GAK: variants seen among roughly 807,000 people sequenced by gnomAD.
The protein encoded by GAK is cyclin G associated kinase, also known as cyclin-G-associated kinase.
GAK carries 79 observed loss-of-function variants against 143.9 expected under a neutral mutation model. That is an observed-to-expected ratio of 0.55 (90% CI 0.46 to 0.66). The LOEUF is 0.66. GAK is among the 30% of genes least tolerant of loss of function. The probability of loss-of-function intolerance (pLI) is 0.00; values close to 1 mark genes in which losing one functional copy is unlikely to be tolerated. For synonymous variants in GAK, 881 were observed against 765.5 expected, an observed-to-expected ratio of 1.15 and a Z score of -2.49; for missense variants, 1,693 against 1,779.7, an observed-to-expected ratio of 0.95 and a Z score of 0.88.
intron 4 of GAK, among the ~76,000 whole-genome samples, chr4:906,702 G>A (rs931678809): frequency 1.1e-4 from 17 of 152,104 alleles, no homozygotes; most frequent in Admixed American, 9.8e-4. Flanking sequence ...CTACAGAGCA[G>A]CCACCGTCAC....
intron 4 of GAK, among the ~76,000 whole-genome samples, chr4:908,596 A>G (rs1213716850): frequency 9.4e-6 from 1 of 106,306 alleles, no homozygotes; most frequent in Non-Finnish European, 2.2e-5. Flanking sequence ...CGGCCTGGCA[A>G]CATAGTGAGA....
At chr4:922,224 G>A (rs552954206) in intron 1 of GAK, among the ~76,000 whole-genome samples, 1 of 152,070 alleles carries the variant, frequency 6.6e-6, no homozygotes, top group Non-Finnish European at 1.5e-5. Context: ...TCAGCAAAAA[G>A]GCAGCATCGG....
intron 1 of GAK, among the ~76,000 whole-genome samples, chr4:928,745 C>G (rs538637106): frequency 1.3e-5 from 2 of 152,274 alleles, no homozygotes; most frequent in East Asian, 3.9e-4. Flanking sequence ...CTCACCCAGT[C>G]CAGAACATTC....
rs1213499278 is a variant in GAK, at chr4:856,406, G to GCTGCTCACAC, written c.3283+3199_3283+3200insGTGTGAGCAG. On this transcript the variant is annotated intron_variant, in intron 24 of 27. Coordinates refer to ENST00000314167, the MANE Select transcript of GAK (RefSeq NM_005255.4). The stretch of plus-strand genomic sequence containing the variant: ...CTGCTCACACCTGCTCACCACCACA[G>GCTGCTCACAC]CTGCTCACCACAGCTGCTCACACCT... 3.7e-4 allele frequency among the ~76,000 whole-genome samples: 20 copies of GCTGCTCACAC among 54,744 alleles called. 1 individual carries two copies. Among genetic ancestry groups the GCTGCTCACAC allele is most frequent in the African/African-American group, 4.6e-4 (7 of 15,054 alleles). The allele number at this position is 54,744 out of a possible 152,430, so 35.9% of individuals were successfully genotyped here.
chr4:859,353 A>G (rs1263633634), intron 24 of GAK: 2 of 1,440,402 alleles, frequency 1.4e-6, no homozygotes, highest in African/African-American at 2.8e-5. Context: ...GACAGGATGG[A>G]TCACGCACCA....
At chr4:926,930 ACCAGCGCTCCGCACTGCCCCGCACCCCT>A in intron 1 of GAK, among the ~76,000 whole-genome samples, 1 of 28,118 alleles carries the variant, frequency 3.6e-5, no homozygotes, top group Non-Finnish European at 7.3e-5. Context: ...CTCCCGGCTC[ACCAGCGCTCCGCACTGCCCCGCACCCCT>A]CCCCGCTCAC....
chr4:904,811 G>A (rs778478092), intron 4 of GAK, 32 bp from the exon 5 acceptor site: 2 of 1,608,822 alleles, frequency 1.2e-6, no homozygotes, highest in South Asian at 1.1e-5. Flanking sequence ...ATGGAGGCAG[G>A]AGAACAGGGT....
intron 1 of GAK, among the ~76,000 whole-genome samples, chr4:930,870 T>C (rs1725583972): frequency 6.6e-6 from 1 of 152,106 alleles, no homozygotes; most frequent in Non-Finnish European, 1.5e-5. Flanking sequence ...TTTGTGATAA[T>C]CAGAATTCTG....
chr4:875,395 TC>T (rs1305243118), intron 18 of GAK, among the ~76,000 whole-genome samples: 2 of 152,188 alleles, frequency 1.3e-5, no homozygotes, highest in African/African-American at 4.8e-5. Context: ...CACCCCGGTC[TC>T]CCGGTGCAGG....
intron 21 of GAK, 97 bp downstream of exon 21, chr4:866,859 T>C: frequency 1.0e-6 from 1 of 977,064 alleles, no homozygotes; most frequent in African/African-American, 1.6e-5. Flanking sequence ...GTTCCCTTCC[T>C]GCAAGCACCT....
At chr4:900,065 A>G (rs1719564305) in intron 5 of GAK, among the ~76,000 whole-genome samples, 2 of 152,250 alleles carry the variant, frequency 1.3e-5, no homozygotes, top group South Asian at 4.1e-4. Context: ...GATGCAGAGC[A>G]CACAGCGGGG....
intron 24 of GAK, among the ~76,000 whole-genome samples, chr4:855,824 G>T (rs556744778): frequency 6.6e-6 from 1 of 152,290 alleles, no homozygotes; most frequent in East Asian, 1.9e-4. Flanking sequence ...GCATGGTGGT[G>T]CATGCCTGTA....
intron 15 of GAK, among the ~76,000 whole-genome samples, chr4:881,543 T>C (rs1205291982): frequency 6.6e-6 from 1 of 152,104 alleles, no homozygotes; most frequent in Non-Finnish European, 1.5e-5. Context: ...ACTGTACTCA[T>C]GTCTGAGCAG....
At position 867,007 on chromosome 4, in the gene GAK, C is replaced by G. The variant is rs2152745955; in HGVS notation, c.2821G>C (p.Ala941Pro). ...SEDPLLLASP[A>P]PPLSVQSTPR... is the part of the protein sequence containing the mutation. ...GTGCTCTGCACGCTCAGGGGAGGGG[C>G]CGGGCTTGCCAGGAGCAGCGGGTCC... Residue 941 changes from alanine (A) to proline (P), a missense_variant, in exon 21 of 28, where the codon GCC (alanine) becomes CCC (proline). By Grantham distance (27) the Ala-to-Pro change is conservative (BLOSUM62 -1). Around this residue, in one of 2 missense-constraint regions of GAK, gnomAD observed 822 missense variants for 788.7 expected, o/e 1.04. Transcript: ENST00000314167. 1.3e-6 allele frequency: 2 copies of G among 1,501,402 alleles called. No individual in the cohort carries two copies. The highest frequency in any genetic ancestry group is 2.8e-5 in the African/African-American group (2 of 71,378). 93.0% of individuals were successfully genotyped at this position (1,501,402 alleles called of 1,614,324 possible).
At position 859,130 on chromosome 4, in the gene GAK, G is replaced by A. The variant is rs565562378; in HGVS notation, c.3283+476C>T. On this transcript the variant is annotated intron_variant, in intron 24 of 27. Coordinates refer to ENST00000314167, the MANE Select transcript of GAK (RefSeq NM_005255.4). Reference sequence around the variant, plus strand: ...AAGGAGACTTGAAGCCACAGCGCCCGGGGCCGGGCCTGAGGCAGACGTGGG... The same window carrying A: ...AAGGAGACTTGAAGCCACAGCGCCCAGGGCCGGGCCTGAGGCAGACGTGGG... 2.3e-5 allele frequency: 23 copies of A among 979,684 alleles called. No individual in the cohort carries two copies. In the South Asian group the frequency reaches 3.8e-4, roughly 16 times the overall value. 60.7% of individuals were successfully genotyped at this position (979,684 alleles called of 1,614,324 possible). A position where few individuals can be genotyped will look rare whatever the true frequency, so the allele number is the denominator to read the frequency against.
In GAK at chr4:877,606, T is replaced by A. The variant is rs373746375; in HGVS notation, c.1856+9A>T. On this transcript the variant is annotated intron_variant, in intron 16 of 27. Transcript: ENST00000314167. ...AGGGAGCACAGCGTGGGGCTGCAGC[T>A]GCACTCACCGCATCTTGTCGTACTC... 5 of 1,571,184 alleles carry A rather than the reference T, an allele frequency of 3.2e-6. No homozygotes were observed. Among genetic ancestry groups the A allele is most frequent in the Non-Finnish European group, 4.3e-6 (5 of 1,155,452 alleles).
rs1714082495 is a variant in GAK, at chr4:877,077, C to T, written c.1974+13G>A. 1 of 1,585,856 alleles carries T rather than the reference C, an allele frequency of 6.3e-7. No homozygotes were observed. The highest frequency in any genetic ancestry group is 1.3e-5 in the African/African-American group (1 of 74,490). On this transcript the variant is annotated intron_variant, in intron 17 of 27. Transcript: ENST00000314167. ...TGAGTGGGGAGCACCGGGCAAGCCA[C>T]AGGCTCTCTCACCTTGGCCTGCAGC...
chr4:905,422 G>A (rs1047873489), intron 4 of GAK, among the ~76,000 whole-genome samples: 2 of 151,732 alleles, frequency 1.3e-5, no homozygotes, highest in African/African-American at 2.4e-5. Flanking sequence ...CCCAGGCCAC[G>A]CTACAGACTC....
chr4:891,482 T>C lies in GAK; in HGVS notation c.991-860A>G, dbSNP rs118040470. Reference sequence around the variant, plus strand: ...CTCCTGGGGGCAGTATTTTATTTCATTGTGAACTCAGCTCCATCATGGACT... The same window carrying C: ...CTCCTGGGGGCAGTATTTTATTTCACTGTGAACTCAGCTCCATCATGGACT... On this transcript the variant is annotated intron_variant, in intron 9 of 27. Transcript: ENST00000314167. 3.9e-4 allele frequency among the ~76,000 whole-genome samples: 59 copies of C among 152,272 alleles called. 1 individual carries two copies. In the East Asian group the frequency reaches 7.2e-3, roughly 18 times the overall value.
Sources: allele counts gnomAD v4.1 joint callset (sites outside exome capture counted in the v4.1 genomes callset), GRCh38; gene constraint gnomAD v4.1.1; regional missense constraint gnomAD v4.1.1; transcripts MANE v1.5; gene names NCBI Gene and HGNC (gene_info 2026-07-23, HGNC 2026-07-21).